The following MBNL2 variants were observed in gnomAD, a reference collection of about 807,000 sequenced individuals.
The protein encoded by MBNL2 is muscleblind-like protein 2.
MBNL2 carries 17 observed loss-of-function variants against 41.9 expected under a neutral mutation model. The ratio of observed to expected loss-of-function variants is 0.41; its 90% CI spans 0.28 to 0.61. The LOEUF (loss-of-function observed/expected upper bound fraction) is 0.61. Among genes scored for constraint, MBNL2 ranks in the 20% least tolerant of loss-of-function variants. The pLI is 0.35. For synonymous variants in MBNL2, 195 were observed against 182.9 expected (o/e 1.07, Z -0.53); for missense variants, 336 against 505.6 (o/e 0.66, Z 3.22).
intron 8 of MBNL2, among the ~76,000 whole-genome samples, chr13:97,383,312 G>A (rs1476484179): frequency 5.9e-5 from 9 of 152,204 alleles, no homozygotes; most frequent in African/African-American, 9.7e-5. Context: ...CTCATGCAAA[G>A]AGCAGAATCT....
At position 97,372,333 on chromosome 13, in the gene MBNL2, C is replaced by T. The variant is rs565778679; in HGVS notation, c.1048+7162C>T. Among the ~76,000 whole-genome samples, 15 of 152,216 alleles carry T rather than the reference C, an allele frequency of 9.9e-5. No individual in the cohort carries two copies. In the East Asian group the frequency reaches 2.5e-3, roughly 26 times the overall value. The stretch of plus-strand genomic sequence containing the variant: ...CTTACCACATCTTCTGAACTCTCCT[C>T]CAAAGATTAAGTACATTCAACAGAG... On this transcript the variant is annotated intron_variant, in intron 8 of 8. Coordinates refer to ENST00000679496, the MANE Select transcript of MBNL2 (RefSeq NM_001382683.1).
At chr13:97,371,185 G>T (rs2064339748) in intron 8 of MBNL2, among the ~76,000 whole-genome samples, 1 of 151,912 alleles carries the variant, frequency 6.6e-6, no homozygotes, top group Non-Finnish European at 1.5e-5. Flanking sequence ...TATTTCAAAG[G>T]GAGAGAAAAT....
chr13:97,175,421 G>C, the MBNL2 span, among the ~76,000 whole-genome samples: 1 of 152,134 alleles, frequency 6.6e-6, no homozygotes, highest in African/African-American at 2.4e-5. Flanking sequence ...CCAGGAAAAC[G>C]GGTGCAAAGA....
the MBNL2 span, among the ~76,000 whole-genome samples, chr13:97,151,115 G>A: frequency 2.1e-3 from 315 of 152,304 alleles, no homozygotes; most frequent in African/African-American, 7.1e-3. Context: ...GAAAGCAGGT[G>A]GCTGAATGGT....
At chr13:97,269,410 C>A (rs1029953458) in intron 1 of MBNL2, among the ~76,000 whole-genome samples, 1 of 152,132 alleles carries the variant, frequency 6.6e-6, no homozygotes, top group East Asian at 1.9e-4. Context: ...AATTGTGGAA[C>A]GTCTGGAGGT....
At chr13:97,214,932 A>G in the MBNL2 span, among the ~76,000 whole-genome samples, 2 of 152,226 alleles carry the variant, frequency 1.3e-5, no homozygotes, top group African/African-American at 4.8e-5. Flanking sequence ...GCTTATATTT[A>G]CAATTCACCA....
At chr13:97,319,985 A>G (rs2153038967) in intron 2 of MBNL2, among the ~76,000 whole-genome samples, 1 of 152,130 alleles carries the variant, frequency 6.6e-6, no homozygotes, top group East Asian at 1.9e-4. Context: ...ATTACCTAAG[A>G]TCATGAAAAA....
At chr13:97,207,879 G>T in the MBNL2 span, among the ~76,000 whole-genome samples, 1 of 152,224 alleles carries the variant, frequency 6.6e-6, no homozygotes, top group Non-Finnish European at 1.5e-5. Flanking sequence ...TACAGGCAGT[G>T]GGAGAAGTTG....
At chr13:97,225,108 A>G (rs2041400786) in intron 1 of MBNL2, among the ~76,000 whole-genome samples, 1 of 152,196 alleles carries the variant, frequency 6.6e-6, no homozygotes. Context: ...AGTTGTTTCA[A>G]TTTGCTGTTG....
Position 97,294,497 on chromosome 13 carries a change from A to C in MBNL2, c.174+18088A>C, listed in dbSNP as rs576068666. On this transcript the variant is annotated intron_variant, in intron 2 of 8. Transcript: ENST00000679496. ...GCAGAGAGCATTACGGGCTAGGTAG[A>C]ATTTAGCTAACTGGGAAGACAGACC... 2.6e-4 allele frequency among the ~76,000 whole-genome samples: 40 copies of C among 152,334 alleles called. 1 individual carries two copies. Among genetic ancestry groups the C allele is most frequent in the African/African-American group, 8.9e-4 (37 of 41,578 alleles).
At chr13:97,250,206 A>G (rs890045027) in intron 1 of MBNL2, among the ~76,000 whole-genome samples, 2 of 151,966 alleles carry the variant, frequency 1.3e-5, no homozygotes, top group Admixed American at 6.5e-5. Context: ...GAGCAGTTTA[A>G]TCTCTTTTCC....
At chr13:97,275,579 T>G (rs1341880800) in intron 1 of MBNL2, 53 bp from the exon 2 acceptor site, 1 of 152,238 alleles carries the variant, frequency 6.6e-6, no homozygotes, top group Non-Finnish European at 1.5e-5. Context: ...TTCGTTGAAG[T>G]GGTGATTCCA....
chr13:97,369,257 A>G (rs1330971670), intron 8 of MBNL2, among the ~76,000 whole-genome samples: 1 of 152,214 alleles, frequency 6.6e-6, no homozygotes, highest in East Asian at 1.9e-4. Context: ...AAACTCAAAT[A>G]GAATCATACC....
At chr13:97,341,997 T>G (rs1467317198) in intron 3 of MBNL2, among the ~76,000 whole-genome samples, 1 of 152,178 alleles carries the variant, frequency 6.6e-6, no homozygotes, top group Non-Finnish European at 1.5e-5. Context: ...AATTGCAAAT[T>G]GAAATCAAAT....
intron 1 of MBNL2, among the ~76,000 whole-genome samples, chr13:97,273,046 T>C (rs2051408005): frequency 6.6e-6 from 1 of 152,244 alleles, no homozygotes; most frequent in Non-Finnish European, 1.5e-5. Flanking sequence ...CCTGGAGAAC[T>C]TTTAGGAACA....
At chr13:97,206,083 A>C in the MBNL2 span, among the ~76,000 whole-genome samples, 1 of 152,208 alleles carries the variant, frequency 6.6e-6, no homozygotes, top group Non-Finnish European at 1.5e-5. Flanking sequence ...GCCAATGAGT[A>C]GTCAGAGAAG....
intron 2 of MBNL2, among the ~76,000 whole-genome samples, chr13:97,332,586 G>C (rs2060520240): frequency 6.6e-6 from 1 of 152,188 alleles, no homozygotes; most frequent in Admixed American, 6.5e-5. Context: ...ATTTTAAAAA[G>C]ATTCAGTTTG....
intron 2 of MBNL2, among the ~76,000 whole-genome samples, chr13:97,327,125 C>T (rs1446640539): frequency 3.9e-5 from 6 of 152,186 alleles, no homozygotes; most frequent in Non-Finnish European, 5.9e-5. Flanking sequence ...GAACAACTTA[C>T]GTGGCACAAG....
the MBNL2 span, among the ~76,000 whole-genome samples, chr13:97,176,380 G>T: frequency 6.6e-6 from 1 of 152,116 alleles, no homozygotes; most frequent in Non-Finnish European, 1.5e-5. Context: ...AGGTCCCAGG[G>T]GTTGGGGCAA....
Sources: allele counts gnomAD v4.1 joint callset (sites outside exome capture counted in the v4.1 genomes callset), GRCh38; gene constraint gnomAD v4.1.1; transcripts MANE v1.5; gene names NCBI Gene and HGNC (gene_info 2026-07-23, HGNC 2026-07-21).